The following CDH23 variants were observed in gnomAD, a reference collection of about 807,000 sequenced individuals.
The protein encoded by CDH23 is cadherin-23.
A neutral mutation model predicts 317.1 loss-of-function variants in CDH23; 189 were observed. That is an observed-to-expected ratio of 0.60 (90% CI 0.53 to 0.67). The LOEUF (loss-of-function observed/expected upper bound fraction) is 0.67. Ranked by LOEUF, CDH23 falls within the 30% of genes least tolerant of loss-of-function variation. The probability of loss-of-function intolerance (pLI) is 0.00; values close to 1 mark genes in which losing one functional copy is unlikely to be tolerated. For missense variants in CDH23, 4,401 were observed against 4,592.4 expected (o/e 0.96, Z 1.20); for synonymous variants, 1,839 against 1,876.8 (o/e 0.98, Z 0.52).
Position 71,397,264 on chromosome 10 carries a change from G to A in CDH23, c.-60G>A, listed in dbSNP as rs1847560310. 2 of 184,630 alleles carry A rather than the reference G, an allele frequency of 1.1e-5. No homozygotes were observed. The highest frequency in any genetic ancestry group is 1.1e-5 in the Non-Finnish European group (1 of 90,466). 11.4% of individuals were successfully genotyped at this position (184,630 alleles called of 1,614,324 possible). A position where few individuals can be genotyped will look rare whatever the true frequency, so the allele number is the denominator to read the frequency against. On this transcript the variant is annotated 5_prime_UTR_variant, in exon 1 of 70. Transcript: ENST00000224721. This position sits in a 1 kb window ranked among gnomAD's most constrained non-coding sequence, Gnocchi z 4.8. The stretch of plus-strand genomic sequence containing the variant: ...GGCGGCCCGCGGGGGCCGATCCGGC[G>A]GAGAGCAGAGCCCGAGGCGAGGCGA...
chr10:71,462,231 C>T (rs375805211), intron 3 of CDH23, among the ~76,000 whole-genome samples: 3 of 152,232 alleles, frequency 2.0e-5, no homozygotes, highest in Non-Finnish European at 2.9e-5. Context: ...TGCCCGGCCC[C>T]GCCTTGTGTG....
In CDH23 at chr10:71,725,425, G is replaced by C; in HGVS notation, c.3484G>C (p.Gly1162Arg). The C allele has an allele frequency of 1.2e-6, 2 of 1,614,050 alleles. No individual in the cohort carries two copies. The highest frequency in any genetic ancestry group is 1.7e-6 in the Non-Finnish European group (2 of 1,179,892). ...IHVSNGLLMRGPRPLDRERNS... is the reference protein window; with the variant it reads ...IHVSNGLLMRRPRPLDRERNS... Reference sequence around the variant, plus strand: ...TGTCAGCAATGGGCTCCTGATGCGAGGGCCCCGGCCCCTGGACCGGGAGCG... The same window carrying C: ...TGTCAGCAATGGGCTCCTGATGCGACGGCCCCGGCCCCTGGACCGGGAGCG... The change falls in exon 30 of 70, where the codon GGG (glycine) becomes CGG (arginine). Residue 1162 changes from glycine to arginine, a missense_variant. This residue lies in a region of CDH23 where 3,068 missense variants were observed against 3,203.3 expected (regional missense o/e 0.96). Coordinates refer to ENST00000224721, the MANE Select transcript of CDH23 (RefSeq NM_022124.6).
At chr10:71,561,838 G>A (rs1218694425) in intron 6 of CDH23, among the ~76,000 whole-genome samples, 4 of 152,132 alleles carry the variant, frequency 2.6e-5, no homozygotes, top group Non-Finnish European at 5.9e-5. Context: ...AGGTGGGACT[G>A]GGCAGGGGGG....
intron 14 of CDH23, among the ~76,000 whole-genome samples, chr10:71,670,411 A>G (rs998387238): frequency 2.0e-5 from 3 of 152,222 alleles, no homozygotes; most frequent in African/African-American, 4.8e-5. Context: ...TCTCCTTCAC[A>G]GGGAGGAAAG....
chr10:71,500,033 A>AG (rs1213212127), intron 3 of CDH23, among the ~76,000 whole-genome samples: 1 of 151,096 alleles, frequency 6.6e-6, no homozygotes, highest in Non-Finnish European at 1.5e-5. Context: ...AAAAAAAAAA[A>AG]AAAAAGGATA....
chr10:71,761,378 C>T (rs1183331330), intron 38 of CDH23, among the ~76,000 whole-genome samples: 1 of 152,180 alleles, frequency 6.6e-6, no homozygotes, highest in Non-Finnish European at 1.5e-5. Context: ...CTCACTGTCA[C>T]AAATGGAGCC....
At chr10:71,471,733 C>T (rs1013072092) in intron 3 of CDH23, among the ~76,000 whole-genome samples, 3 of 152,150 alleles carry the variant, frequency 2.0e-5, no homozygotes, top group African/African-American at 7.2e-5. Context: ...TCCTGCCATT[C>T]CTGCGGCCTG....
In CDH23 at chr10:71,805,832, C is replaced by T. The variant is rs1375264465; in HGVS notation, c.7899C>T (p.Tyr2633=). Residue 2633 remains tyrosine (Y), a synonymous_variant, in exon 56 of 70, where the codon TAC becomes TAT. Coordinates refer to ENST00000224721, the MANE Select transcript of CDH23 (RefSeq NM_022124.6). ...REEIPLRSNV[Y]EVYATDKDEG... is the part of the protein sequence containing the mutation. ...AGATCCCGCTGCGCTCCAACGTGTA[C>T]GAGGTCTACGCCACGGACAAGGATG... is the stretch of plus-strand genomic sequence containing the variant. 3 of 1,613,672 alleles carry T rather than the reference C, an allele frequency of 1.9e-6. No homozygotes were observed. Among genetic ancestry groups the T allele is most frequent in the Admixed American group, 1.7e-5 (1 of 59,990 alleles).
At chr10:71,707,311 G>C (rs1794493486) in intron 26 of CDH23, 16 of 1,427,000 alleles carry the variant, frequency 1.1e-5, no homozygotes, top group Non-Finnish European at 1.5e-5. Context: ...CATCTACCAA[G>C]GTTCATTCTA....
chr10:71,800,066 C>T (rs1295944524), intron 52 of CDH23, among the ~76,000 whole-genome samples: 1 of 152,218 alleles, frequency 6.6e-6, no homozygotes, highest in Non-Finnish European at 1.5e-5. Flanking sequence ...AAGGGTGCCT[C>T]CCACACATTT....
intron 3 of CDH23, among the ~76,000 whole-genome samples, chr10:71,465,578 G>A (rs1206654879): frequency 6.6e-6 from 1 of 152,208 alleles, no homozygotes; most frequent in Non-Finnish European, 1.5e-5. Flanking sequence ...GGGTGCCCCC[G>A]TGGCTGATAG....
At chr10:71,718,757 G>A (rs10999972) in intron 28 of CDH23, among the ~76,000 whole-genome samples, 17,518 of 152,170 alleles carry the variant, frequency 0.12, 1,865 homozygotes, top group East Asian at 0.28. Context: ...CAGGCCTTGG[G>A]ACCTGCTTTA....
intron 11 of CDH23, among the ~76,000 whole-genome samples, chr10:71,620,047 C>T (rs1435769339): frequency 2.0e-5 from 3 of 152,200 alleles, no homozygotes; most frequent in African/African-American, 7.2e-5. Context: ...GACGACTAGG[C>T]TAGCACAGGT....
intron 32 of CDH23, among the ~76,000 whole-genome samples, 196 bp from the exon 33 acceptor site, chr10:71,734,044 G>C (rs1187865985): frequency 6.6e-6 from 1 of 152,224 alleles, no homozygotes; most frequent in African/African-American, 2.4e-5. Flanking sequence ...TACCTGGCTG[G>C]GGAAGCAGGA....
chr10:71,502,853 C>T (rs1367984323), intron 3 of CDH23, among the ~76,000 whole-genome samples: 2 of 152,182 alleles, frequency 1.3e-5, no homozygotes, highest in African/African-American at 4.8e-5. Context: ...GTTTTGGTAA[C>T]AAATATTGCT....
chr10:71,659,942 T>TTTC (rs1407156453), intron 14 of CDH23, among the ~76,000 whole-genome samples: 1 of 150,706 alleles, frequency 6.6e-6, no homozygotes, highest in Non-Finnish European at 1.5e-5. Flanking sequence ...TTTCTTTTCT[T>TTTC]TTCTTTTCTT....
chr10:71,731,048 A>G lies in CDH23; in HGVS notation c.3715+444A>G, dbSNP rs1216398033. 2.0e-5 allele frequency among the ~76,000 whole-genome samples: 3 copies of G among 152,160 alleles called. No homozygotes were observed. In the East Asian group the frequency reaches 5.8e-4, roughly 29 times the overall value. ...CCCCTGACCCTGTACAAGGGGCAGT[A>G]CCCTTCCTGTGCCGCAGGGCAGTAG... On this transcript the variant is annotated intron_variant, in intron 31 of 69. Coordinates refer to ENST00000224721, the MANE Select transcript of CDH23 (RefSeq NM_022124.6).
intron 48 of CDH23, 55 bp downstream of exon 48, chr10:71,793,695 C>A: frequency 1.6e-6 from 2 of 1,269,212 alleles, no homozygotes; most frequent in Non-Finnish European, 1.1e-6. Context: ...CCTGTCTCCT[C>A]GCTCCCTGCT....
intron 3 of CDH23, among the ~76,000 whole-genome samples, chr10:71,495,079 G>A (rs1353035186): frequency 6.6e-6 from 1 of 152,150 alleles, no homozygotes; most frequent in Admixed American, 6.5e-5. Flanking sequence ...TGCCAACTGG[G>A]CTGGACCCCC....
Sources: allele counts gnomAD v4.1 joint callset (sites outside exome capture counted in the v4.1 genomes callset), GRCh38; gene constraint gnomAD v4.1.1; regional missense constraint gnomAD v4.1.1; non-coding constraint Gnocchi (gnomAD v3.1); transcripts MANE v1.5; gene names NCBI Gene and HGNC (gene_info 2026-07-23, HGNC 2026-07-21).